Variants in ZMAT4 observed in about 807,000 individuals in gnomAD.
ZMAT4 encodes the protein zinc finger matrin-type protein 4.
A neutral mutation model predicts 28.7 loss-of-function variants in ZMAT4; 17 were observed. The observed-to-expected ratio is 0.59, with a 90% CI of 0.41 to 0.89. The LOEUF (loss-of-function observed/expected upper bound fraction) is 0.89, where lower values mean the gene tolerates loss of function less well. Ranked by LOEUF, ZMAT4 falls within the 40% of genes least tolerant of loss-of-function variation. ZMAT4 has a pLI of 0.00. For synonymous variants in ZMAT4, 117 were observed against 109.2 expected (o/e 1.07, Z -0.44); for missense variants, 240 against 283.8 (o/e 0.85, Z 1.11).
chr8:40,610,431 A>T (rs532985050), intron 5 of ZMAT4, among the ~76,000 whole-genome samples: 1 of 152,316 alleles, frequency 6.6e-6, no homozygotes, highest in Admixed American at 6.5e-5. Context: ...TTGGCAATTC[A>T]TTCCATGAGG....
At chr8:40,844,352 A>G (rs942468674) in intron 1 of ZMAT4, among the ~76,000 whole-genome samples, 1 of 152,134 alleles carries the variant, frequency 6.6e-6, no homozygotes, top group Non-Finnish European at 1.5e-5. Context: ...GCATCACCCA[A>G]TTGTTGAGGG....
At chr8:40,559,289 C>A (rs1803652103) in intron 6 of ZMAT4, among the ~76,000 whole-genome samples, 1 of 152,134 alleles carries the variant, frequency 6.6e-6, no homozygotes, top group Admixed American at 6.6e-5. Context: ...CCCTGCTTCA[C>A]CTCTTCACAT....
chr8:40,835,926 G>A (rs1379066177), intron 1 of ZMAT4, among the ~76,000 whole-genome samples: 1 of 152,182 alleles, frequency 6.6e-6, no homozygotes, highest in Admixed American at 6.5e-5. Flanking sequence ...CCTAAACTCA[G>A]TGAAAATGTA....
At chr8:40,686,014 G>T (rs907431648) in intron 4 of ZMAT4, among the ~76,000 whole-genome samples, 3 of 152,078 alleles carry the variant, frequency 2.0e-5, no homozygotes, top group African/African-American at 4.8e-5. Flanking sequence ...GTAGGGATGG[G>T]CTTCACTTGC....
chr8:40,589,702 C>CACTT (rs1804788138), intron 5 of ZMAT4, among the ~76,000 whole-genome samples: 1 of 113,586 alleles, frequency 8.8e-6, no homozygotes, highest in East Asian at 3.6e-4. Context: ...AGAGACCTTC[C>CACTT]TTCCTTCTTC....
intron 3 of ZMAT4, among the ~76,000 whole-genome samples, chr8:40,758,428 TC>T (rs1812785521): frequency 6.6e-6 from 1 of 152,176 alleles, no homozygotes. Context: ...GTTATCATTA[TC>T]CCTTTCAAAA....
At chr8:40,882,139 G>A (rs1297542199) in intron 1 of ZMAT4, among the ~76,000 whole-genome samples, 1 of 152,264 alleles carries the variant, frequency 6.6e-6, no homozygotes, top group Middle Eastern at 3.4e-3. Context: ...CCTTGTGGCC[G>A]CCTCGGAGCT....
chr8:40,693,673 C>CA (rs1231078417), intron 4 of ZMAT4, among the ~76,000 whole-genome samples: 1 of 152,232 alleles, frequency 6.6e-6, no homozygotes, highest in African/African-American at 2.4e-5. Flanking sequence ...TATAACAACT[C>CA]ACTTCTGCCA....
At chr8:40,663,804 G>A (rs570365786) in intron 5 of ZMAT4, among the ~76,000 whole-genome samples, 4 of 152,090 alleles carry the variant, frequency 2.6e-5, no homozygotes, top group Non-Finnish European at 5.9e-5. Flanking sequence ...TATAATTATC[G>A]TATGTGTTTA....
intron 3 of ZMAT4, among the ~76,000 whole-genome samples, chr8:40,737,868 C>A (rs976687321): frequency 6.6e-6 from 1 of 151,532 alleles, no homozygotes; most frequent in Non-Finnish European, 1.5e-5. Flanking sequence ...TTCCATGAAG[C>A]AATGCATGGG....
intron 6 of ZMAT4, among the ~76,000 whole-genome samples, chr8:40,570,823 G>A (rs139178488): frequency 1.0e-3 from 156 of 152,224 alleles, no homozygotes; most frequent in African/African-American, 3.6e-3. Context: ...TGGGACTCTG[G>A]CCATCTGCTT....
intron 5 of ZMAT4, among the ~76,000 whole-genome samples, chr8:40,601,458 G>T (rs5017469): frequency 7.1e-5 from 2 of 28,200 alleles, no homozygotes; most frequent in African/African-American, 1.9e-4. Context: ...GGAAGGAAGG[G>T]AGGAAGAAAG....
At chr8:40,581,597 T>A (rs1289777697) in intron 5 of ZMAT4, among the ~76,000 whole-genome samples, 1 of 152,210 alleles carries the variant, frequency 6.6e-6, no homozygotes, top group Non-Finnish European at 1.5e-5. Context: ...CACTGTCATC[T>A]CTGCAGTGAA....
chr8:40,735,791 C>T (rs4326371), intron 3 of ZMAT4, among the ~76,000 whole-genome samples: 87,324 of 151,862 alleles, frequency 0.58, 25,416 homozygotes, highest in East Asian at 0.66. Context: ...GACGTTTAAC[C>T]GCAGGACCCA....
At chr8:40,752,879 C>CT (rs965376088) in intron 3 of ZMAT4, among the ~76,000 whole-genome samples, 11 of 147,352 alleles carry the variant, frequency 7.5e-5, no homozygotes, top group Admixed American at 2.0e-4. Flanking sequence ...CTGTCTTCTT[C>CT]TTTTTTTTTA....
chr8:40,859,824 G>A (rs1035431235), intron 1 of ZMAT4, among the ~76,000 whole-genome samples: 1 of 152,108 alleles, frequency 6.6e-6, no homozygotes, highest in Admixed American at 6.5e-5. Context: ...AGAGGTCACA[G>A]AAGTTCCTGT....
intron 2 of ZMAT4, among the ~76,000 whole-genome samples, chr8:40,816,064 G>A (rs1339900342): frequency 6.6e-6 from 1 of 152,130 alleles, no homozygotes; most frequent in African/African-American, 2.4e-5. Flanking sequence ...AGTGCACAGA[G>A]ACAATACTAC....
intron 2 of ZMAT4, among the ~76,000 whole-genome samples, chr8:40,796,259 G>A (rs576216574): frequency 5.3e-5 from 8 of 152,280 alleles, no homozygotes; most frequent in East Asian, 3.9e-4. Flanking sequence ...CGGCCCCACC[G>A]TTGTCTGCTC....
chr8:40,717,251 T>C (rs1348262871), intron 3 of ZMAT4, among the ~76,000 whole-genome samples: 2 of 152,182 alleles, frequency 1.3e-5, no homozygotes, highest in East Asian at 1.9e-4. Context: ...ATTTAATAAG[T>C]AGTTGGTCTC....
Sources: allele counts gnomAD v4.1 joint callset (sites outside exome capture counted in the v4.1 genomes callset), GRCh38; gene constraint gnomAD v4.1.1; transcripts MANE v1.5; gene names NCBI Gene and HGNC (gene_info 2026-07-23, HGNC 2026-07-21).